The following CEP57L1 variants were observed in gnomAD, a reference collection of about 807,000 sequenced individuals.
CEP57L1 encodes centrosomal protein 57 like 1, also known as centrosomal protein CEP57L1.
Under a neutral mutation model 61.0 loss-of-function variants are expected in CEP57L1, and 37 were observed. That is an observed-to-expected ratio of 0.61 (90% CI 0.47 to 0.80). The LOEUF is 0.80. Ranked by LOEUF, CEP57L1 falls within the 30% of genes least tolerant of loss-of-function variation. The pLI is 0.00. For synonymous variants in CEP57L1, 137 were observed against 162.3 expected (o/e 0.84, Z 1.19); for missense variants, 422 against 524.7 (o/e 0.80, Z 1.91).
chr6:109,115,881 C>G, intron 1 of CEP57L1, among the ~76,000 whole-genome samples: 1 of 152,022 alleles, frequency 6.6e-6, no homozygotes, highest in East Asian at 1.9e-4. Context: ...AGTGGTAATA[C>G]TTTTCAAATG....
rs926803282 is a variant in CEP57L1, at chr6:109,167,145, C to A, written c.*4175C>A. ...TAAATAGACCTTCTCAATGCCTCAGCCTTTTTCTTCATATTCCATCTACTT... is the reference window on the plus strand; with the variant it reads ...TAAATAGACCTTCTCAATGCCTCAGACTTTTTCTTCATATTCCATCTACTT... On this transcript the variant is annotated 3_prime_UTR_variant, in exon 11 of 11. Coordinates refer to ENST00000517392, the MANE Select transcript of CEP57L1 (RefSeq NM_001271852.3). Among the ~76,000 whole-genome samples the A allele has an allele frequency of 8.5e-5, 13 of 152,162 alleles. No individual in the cohort carries two copies.
At position 109,153,954 on chromosome 6, in the gene CEP57L1, G is replaced by C. The variant is rs756696271; in HGVS notation, c.579+5G>C. On this transcript the variant is annotated splice_donor_5th_base_variant and intron_variant, in intron 5 of 10. Coordinates refer to ENST00000517392, the MANE Select transcript of CEP57L1 (RefSeq NM_001271852.3). ...ACAACTCAGAAAACTGCTGAGGTAA[G>C]CTTTCTTTGAAGTGATGACAACAGG... 1.4e-6 allele frequency: 2 copies of C among 1,480,172 alleles called. No homozygotes were observed. Among genetic ancestry groups the C allele is most frequent in the South Asian group, 2.3e-5 (2 of 85,702 alleles). 91.7% of individuals were successfully genotyped at this position (1,480,172 alleles called of 1,614,324 possible).
In CEP57L1 at chr6:109,168,735, A is replaced by G. The variant is rs1321475579; in HGVS notation, c.*5765A>G. Reference sequence around the variant, plus strand: ...CTCAGCCTCCCAAGTAGCTGGGATTATAGGTGTGCACCACCATGCCCTGCT... The same window carrying G: ...CTCAGCCTCCCAAGTAGCTGGGATTGTAGGTGTGCACCACCATGCCCTGCT... On this transcript the variant is annotated 3_prime_UTR_variant, in exon 11 of 11. Transcript: ENST00000517392. Among the ~76,000 whole-genome samples, 1 of 151,012 alleles carries G rather than the reference A, an allele frequency of 6.6e-6. No individual in the cohort carries two copies. The highest frequency in any genetic ancestry group is 2.4e-5 in the African/African-American group (1 of 41,140).
rs1009505252 is a variant in CEP57L1, at chr6:109,172,057, T to C, written c.*9087T>C. Among the ~76,000 whole-genome samples, 5 of 152,158 alleles carry C rather than the reference T, an allele frequency of 3.3e-5. No individual in the cohort carries two copies. Among genetic ancestry groups the C allele is most frequent in the African/African-American group, 1.2e-4 (5 of 41,434 alleles). On this transcript the variant is annotated 3_prime_UTR_variant, in exon 11 of 11. Transcript: ENST00000517392. ...GTTAAGTTATGGTTATGGTATATTA[T>C]AGCAAAAGAATATATATTAAAATCA...
At position 109,173,644 on chromosome 6, in the gene CEP57L1, G is replaced by T. The variant is rs1001452323; in HGVS notation, c.*10674G>T. Among the ~76,000 whole-genome samples, 63 of 149,820 alleles carry T rather than the reference G, an allele frequency of 4.2e-4. No homozygotes were observed. Among genetic ancestry groups the T allele is most frequent in the Non-Finnish European group, 9.2e-4 (62 of 67,556 alleles). On this transcript the variant is annotated 3_prime_UTR_variant, in exon 11 of 11. Coordinates refer to ENST00000517392, the MANE Select transcript of CEP57L1 (RefSeq NM_001271852.3). Reference sequence around the variant, plus strand: ...TGAGGAGACGCGGTCTCACTTTGCTGCCCAGGCTGGTCTCAAACTCTGGGC... The same window carrying T: ...TGAGGAGACGCGGTCTCACTTTGCTTCCCAGGCTGGTCTCAAACTCTGGGC...
chr6:109,111,192 CTT>C lies in CEP57L1; in HGVS notation c.-4+15618_-4+15619del, dbSNP rs1387264725. 1.1e-4 allele frequency among the ~76,000 whole-genome samples: 16 copies of C among 152,190 alleles called. No homozygotes were observed. The East Asian group carries it at 2.9e-3, about 28-fold the overall frequency. ...GTTTTTCCATTTGTTTGTGTCCTCT[CTT>C]ATTTCCTTGAGCAGTGGTTTGTAGT... On this transcript the variant is annotated intron_variant, in intron 1 of 10. Coordinates refer to ENST00000517392, the MANE Select transcript of CEP57L1 (RefSeq NM_001271852.3).
chr6:109,154,646 A>G (rs1344955270), intron 5 of CEP57L1, among the ~76,000 whole-genome samples: 1 of 152,140 alleles, frequency 6.6e-6, no homozygotes, highest in Non-Finnish European at 1.5e-5. Flanking sequence ...TCACTGGAGC[A>G]TATAGGATTT....
At chr6:109,148,129 T>C (rs1004865080) in intron 3 of CEP57L1, among the ~76,000 whole-genome samples, 5 of 151,880 alleles carry the variant, frequency 3.3e-5, no homozygotes, top group Admixed American at 1.3e-4. Flanking sequence ...TATTTTATTA[T>C]TATTATACTT....
intron 1 of CEP57L1, among the ~76,000 whole-genome samples, chr6:109,114,433 T>G (rs1386954863): frequency 6.6e-6 from 1 of 152,172 alleles, no homozygotes; most frequent in Non-Finnish European, 1.5e-5. Context: ...TAGTTTGAGT[T>G]TTTTGTATAT....
At position 109,170,475 on chromosome 6, in the gene CEP57L1, G is replaced by C. The variant is rs1774351018; in HGVS notation, c.*7505G>C. 6.6e-6 allele frequency among the ~76,000 whole-genome samples: 1 copy of C among 152,098 alleles called. No individual in the cohort carries two copies. Among genetic ancestry groups the C allele is most frequent in the Admixed American group, 6.5e-5 (1 of 15,268 alleles). ...CCTTTGGTATTTCTTAGAAAAACCT[G>C]TTACTGAACCTAGTACAGAATGTGA... On this transcript the variant is annotated 3_prime_UTR_variant, in exon 11 of 11. Coordinates refer to ENST00000517392, the MANE Select transcript of CEP57L1 (RefSeq NM_001271852.3).
chr6:109,167,205 GTT>G lies in CEP57L1; in HGVS notation c.*4244_*4245del, dbSNP rs61274603. ...TAACTTTGTCTTTCAATTCGTTTTT[GTT>G]TTTTTTTTCCTGTAAGGAGAATTAG... On this transcript the variant is annotated 3_prime_UTR_variant, in exon 11 of 11. Transcript: ENST00000517392. Among the ~76,000 whole-genome samples the G allele has an allele frequency of 2.7e-5, 4 of 150,826 alleles. No individual in the cohort carries two copies. Among genetic ancestry groups the G allele is most frequent in the African/African-American group, 7.3e-5 (3 of 41,040 alleles).
Position 109,165,385 on chromosome 6 carries a change from C to T in CEP57L1, c.*2415C>T, listed in dbSNP as rs1450836158. On this transcript the variant is annotated 3_prime_UTR_variant, in exon 11 of 11. Coordinates refer to ENST00000517392, the MANE Select transcript of CEP57L1 (RefSeq NM_001271852.3). ...CAGAAGAGTTGACACTTATTAAACA[C>T]TCAATAAATATTTTTTGAATCTGAG... Among the ~76,000 whole-genome samples the T allele has an allele frequency of 6.7e-6, 1 of 148,972 alleles. No individual in the cohort carries two copies. The highest frequency in any genetic ancestry group is 1.5e-5 in the Non-Finnish European group (1 of 67,572).
intron 1 of CEP57L1, among the ~76,000 whole-genome samples, chr6:109,128,096 A>AT (rs1408674889): frequency 2.0e-5 from 3 of 152,122 alleles, no homozygotes; most frequent in Non-Finnish European, 2.9e-5. Flanking sequence ...GGGTGATCTA[A>AT]TTGATAACCA....
chr6:109,168,639 A>G lies in CEP57L1; in HGVS notation c.*5669A>G, dbSNP rs1275606997. ...AGATTGGAGTCTCGCTCCTTCACCC[A>G]GGCTGGAGTGCAATGGTACAATCTC... On this transcript the variant is annotated 3_prime_UTR_variant, in exon 11 of 11. Transcript: ENST00000517392. Among the ~76,000 whole-genome samples the G allele has an allele frequency of 1.5e-5, 2 of 130,082 alleles. No homozygotes were observed. The highest frequency in any genetic ancestry group is 1.8e-4 in the Admixed American group (2 of 11,064). 85.3% of individuals were successfully genotyped at this position (130,082 alleles called of 152,430 possible).
intron 1 of CEP57L1, among the ~76,000 whole-genome samples, chr6:109,138,974 A>G (rs1489225471): frequency 6.6e-6 from 1 of 152,186 alleles, no homozygotes; most frequent in Admixed American, 6.5e-5. Flanking sequence ...TTATGAAGTC[A>G]TGAACTTTTA....
chr6:109,107,537 T>C (rs1219224434), intron 1 of CEP57L1, among the ~76,000 whole-genome samples: 1 of 152,198 alleles, frequency 6.6e-6, no homozygotes, highest in African/African-American at 2.4e-5. Context: ...GACTTAATGG[T>C]TGTCTAAATA....
chr6:109,145,003 A>G (rs1771801677), intron 1 of CEP57L1, among the ~76,000 whole-genome samples: 1 of 152,032 alleles, frequency 6.6e-6, no homozygotes, highest in Admixed American at 6.6e-5. Context: ...ATTATTGAAA[A>G]TCAGGCAGAA....
chr6:109,101,539 A>C (rs1284928297), intron 1 of CEP57L1, among the ~76,000 whole-genome samples: 3 of 151,998 alleles, frequency 2.0e-5, no homozygotes, highest in African/African-American at 7.3e-5. Context: ...TTTTTAACTC[A>C]TCTAGGAATA....
At chr6:109,097,276 C>T (rs1781815217) in intron 1 of CEP57L1, among the ~76,000 whole-genome samples, 1 of 152,192 alleles carries the variant, frequency 6.6e-6, no homozygotes, top group South Asian at 2.1e-4. Flanking sequence ...AAGACCACTA[C>T]AGTAGCAATT....
Sources: allele counts gnomAD v4.1 joint callset (sites outside exome capture counted in the v4.1 genomes callset), GRCh38; gene constraint gnomAD v4.1.1; transcripts MANE v1.5; gene names NCBI Gene and HGNC (gene_info 2026-07-23, HGNC 2026-07-21).